The following PAK5 variants were observed in gnomAD, a reference collection of about 807,000 sequenced individuals.
PAK5 encodes p21 (RAC1) activated kinase 5, also known as serine/threonine-protein kinase PAK 5.
In PAK5, 16 loss-of-function variants were observed where a neutral mutation model predicts 65.9. The observed-to-expected ratio is 0.24, with a 90% CI of 0.16 to 0.37. The LOEUF (loss-of-function observed/expected upper bound fraction) is 0.37, where lower values mean the gene tolerates loss of function less well. Ranked by LOEUF, PAK5 falls within the 10% of genes least tolerant of loss-of-function variation. The probability of loss-of-function intolerance (pLI) is 1.00; values close to 1 mark genes in which losing one functional copy is unlikely to be tolerated. For synonymous variants in PAK5, 371 were observed against 354.9 expected (o/e 1.05, Z -0.51); for missense variants, 785 against 903.9 (o/e 0.87, Z 1.69).
At chr20:9,595,455 G>A (rs2046246402) in intron 3 of PAK5, among the ~76,000 whole-genome samples, 2 of 152,168 alleles carry the variant, frequency 1.3e-5, no homozygotes, top group Admixed American at 1.3e-4. Context: ...CCAACAAAGA[G>A]AGATGATCCA....
At chr20:9,586,718 T>C (rs371740345) in intron 3 of PAK5, among the ~76,000 whole-genome samples, 21 of 152,164 alleles carry the variant, frequency 1.4e-4, no homozygotes, top group East Asian at 7.7e-4. Context: ...CTATAGGAGA[T>C]TAGAGGGTCA....
At chr20:9,657,510 G>A (rs2047285286) in intron 2 of PAK5, among the ~76,000 whole-genome samples, 1 of 152,024 alleles carries the variant, frequency 6.6e-6, no homozygotes, top group South Asian at 2.1e-4. Context: ...TTTTATATTG[G>A]TTATATATTA....
At chr20:9,708,918 C>T (rs1468331299) in intron 2 of PAK5, among the ~76,000 whole-genome samples, 1 of 104,194 alleles carries the variant, frequency 9.6e-6, no homozygotes, top group Non-Finnish European at 1.9e-5. Context: ...GGCACCTTTT[C>T]TGTCTTCCTT....
At chr20:9,819,068 T>G (rs1036654952) in intron 1 of PAK5, among the ~76,000 whole-genome samples, 1 of 152,112 alleles carries the variant, frequency 6.6e-6, no homozygotes, top group African/African-American at 2.4e-5. Context: ...AAAGAAAGCA[T>G]CAGGATAAGC....
chr20:9,834,850 A>G (rs1251423566), intron 1 of PAK5, among the ~76,000 whole-genome samples: 3 of 152,182 alleles, frequency 2.0e-5, no homozygotes, highest in Non-Finnish European at 4.4e-5. Context: ...CAGAAGACTG[A>G]AAGTCTAGCT....
In PAK5 at chr20:9,797,315, C is replaced by T. The variant is rs534257927; in HGVS notation, c.-162+41447G>A. Among the ~76,000 whole-genome samples the T allele has an allele frequency of 2.6e-5, 4 of 151,904 alleles. No homozygotes were observed. In the South Asian group the frequency reaches 8.3e-4, roughly 32 times the overall value. ...GCCCCTTGTCAGATGAGTAGAATGCCATAAAAAATGATGAGTTCATGTCCT... is the reference window on the plus strand; with the variant it reads ...GCCCCTTGTCAGATGAGTAGAATGCTATAAAAAATGATGAGTTCATGTCCT... On this transcript the variant is annotated intron_variant, in intron 1 of 9. Transcript: ENST00000353224.
chr20:9,557,680 G>A lies in PAK5; in HGVS notation c.1671C>T (p.Ser557=). ...TVCLSVLRAL[S]YLHNQGVIHR... is the part of the protein sequence containing the mutation. ...GAATCACTCCTTGGTTATGAAGGTA[G>A]GAGAGAGCTCTCAGAACTGACAGGC... The change falls in exon 7 of 10, where the codon TCC becomes TCT. Residue 557 remains serine, a synonymous_variant. Coordinates refer to ENST00000353224, the MANE Select transcript of PAK5 (RefSeq NM_177990.4). 2 of 1,611,180 alleles carry A rather than the reference G, an allele frequency of 1.2e-6. No individual in the cohort carries two copies. Among genetic ancestry groups the A allele is most frequent in the Non-Finnish European group, 1.7e-6 (2 of 1,177,498 alleles).
chr20:9,566,447 G>T, intron 4 of PAK5, 63 bp from the exon 5 acceptor site: 4 of 1,482,460 alleles, frequency 2.7e-6, no homozygotes, highest in South Asian at 2.5e-5. Flanking sequence ...CAGCCGAGTG[G>T]TGAGTGAGCT....
intron 1 of PAK5, among the ~76,000 whole-genome samples, chr20:9,746,168 C>T (rs368568040): frequency 1.4e-4 from 21 of 152,256 alleles, no homozygotes; most frequent in African/African-American, 4.8e-4. Context: ...AGACACTTCC[C>T]TTTTGGCTGA....
chr20:9,626,565 T>A (rs1707505303), intron 3 of PAK5, among the ~76,000 whole-genome samples: 1 of 152,140 alleles, frequency 6.6e-6, no homozygotes, highest in Non-Finnish European at 1.5e-5. Flanking sequence ...TGTGTGAAAA[T>A]CAATGTGGAA....
intron 8 of PAK5, 134 bp from the exon 9 acceptor site, chr20:9,542,854 A>T: frequency 1.2e-6 from 1 of 804,888 alleles, no homozygotes; most frequent in Non-Finnish European, 2.0e-6. Flanking sequence ...ATATAGATTT[A>T]TAGGCTAAAC....
intron 9 of PAK5, 107 bp from the exon 10 acceptor site, chr20:9,539,724 T>C (rs2122874707): frequency 1.2e-6 from 1 of 867,056 alleles, no homozygotes; most frequent in Admixed American, 2.2e-5. Context: ...TTCCAGAAAG[T>C]TACCTTAAGG....
intron 3 of PAK5, among the ~76,000 whole-genome samples, chr20:9,605,505 C>A (rs374041897): frequency 6.6e-6 from 1 of 152,054 alleles, no homozygotes; most frequent in African/African-American, 2.4e-5. Context: ...AGATTCCTTC[C>A]CTAAAAAACA....
At chr20:9,586,313 TC>T (rs1226480477) in intron 3 of PAK5, among the ~76,000 whole-genome samples, 2 of 152,116 alleles carry the variant, frequency 1.3e-5, no homozygotes, top group African/African-American at 4.8e-5. Context: ...ATTGAACACC[TC>T]CTTTGGAAGT....
chr20:9,670,625 A>T (rs188745812), intron 2 of PAK5, among the ~76,000 whole-genome samples: 7,743 of 151,762 alleles, frequency 0.051, 221 homozygotes, highest in South Asian at 0.084. Context: ...GGGTTGTTTG[A>T]TTTTCTCTTG....
Position 9,538,706 on chromosome 20 carries a change from T to G in PAK5, c.*756A>C. ...AACTTTATCCCAAGGAGTGGTATAC[T>G]GTGGCTCAAATTTTATTTCATTATT... On this transcript the variant is annotated 3_prime_UTR_variant, in exon 10 of 10. Transcript: ENST00000353224. 1 of 233,412 alleles carries G rather than the reference T, an allele frequency of 4.3e-6. No individual in the cohort carries two copies. Among genetic ancestry groups the G allele is most frequent in the East Asian group, 6.1e-5 (1 of 16,478 alleles). The allele number at this position is 233,412 out of a possible 1,614,324, so 14.5% of individuals were successfully genotyped here.
At chr20:9,700,770 C>T (rs1302651506) in intron 2 of PAK5, among the ~76,000 whole-genome samples, 3 of 152,192 alleles carry the variant, frequency 2.0e-5, no homozygotes, top group East Asian at 1.9e-4. Context: ...TTTTGAAACT[C>T]ATCCATCTCA....
At position 9,566,451 on chromosome 20, in the gene PAK5, G is replaced by C. The variant is rs1410767486; in HGVS notation, c.991-67C>G. The stretch of plus-strand genomic sequence containing the variant: ...TCTGAATGCCACAGCCGAGTGGTGA[G>C]TGAGCTGACTGACAGCTGGCAGAAT... On this transcript the variant is annotated intron_variant, in intron 4 of 9. Transcript: ENST00000353224. 3.4e-6 allele frequency: 5 copies of C among 1,455,270 alleles called. No individual in the cohort carries two copies. In the African/African-American group the frequency reaches 6.9e-5, roughly 20 times the overall value. 90.1% of individuals were successfully genotyped at this position (1,455,270 alleles called of 1,614,324 possible).
At chr20:9,778,532 C>T (rs1025759205) in intron 1 of PAK5, among the ~76,000 whole-genome samples, 2 of 152,202 alleles carry the variant, frequency 1.3e-5, no homozygotes, top group Admixed American at 6.5e-5. Flanking sequence ...GTCACCACGA[C>T]AGGCCAATAC....
Sources: gnomAD v4.1 joint callset for allele counts (sites outside exome capture counted in the v4.1 genomes callset) on GRCh38, gnomAD v4.1.1 for gene constraint, MANE v1.5 for transcripts, NCBI Gene and HGNC (gene_info 2026-07-23, HGNC 2026-07-21) for gene names.